WDR7: variants seen among roughly 807,000 people sequenced by gnomAD.
WDR7 encodes the protein WD repeat-containing protein 7.
WDR7 carries 46 observed loss-of-function variants against 169.4 expected under a neutral mutation model. The ratio of observed to expected loss-of-function variants is 0.27; its 90% CI spans 0.21 to 0.35. The LOEUF (loss-of-function observed/expected upper bound fraction) is 0.35, where lower values mean the gene tolerates loss of function less well. Ranked by LOEUF, WDR7 falls within the 10% of genes least tolerant of loss-of-function variation. The probability of loss-of-function intolerance (pLI) is 1.00; values close to 1 mark genes in which losing one functional copy is unlikely to be tolerated. For missense variants in WDR7, 1,534 were observed against 1,859.3 expected (o/e 0.83, Z 3.22); for synonymous variants, 612 against 666.8 (o/e 0.92, Z 1.27).
chr18:56,695,590 T>G (rs1265242144), intron 11 of WDR7, among the ~76,000 whole-genome samples: 3 of 150,836 alleles, frequency 2.0e-5, no homozygotes, highest in Non-Finnish European at 2.9e-5. Context: ...CAGACTAGAG[T>G]GCAGTGGCAT....
chr18:56,909,618 A>G (rs2046526331), intron 21 of WDR7, among the ~76,000 whole-genome samples: 1 of 152,142 alleles, frequency 6.6e-6, no homozygotes, highest in Non-Finnish European at 1.5e-5. Flanking sequence ...TATATAACAT[A>G]AGAAGTGAAT....
intron 16 of WDR7, among the ~76,000 whole-genome samples, chr18:56,768,563 CATAA>C (rs2044104169): frequency 6.6e-6 from 1 of 152,128 alleles, no homozygotes; most frequent in Non-Finnish European, 1.5e-5. Flanking sequence ...GTAACATGAA[CATAA>C]ATAACCAATT....
intron 20 of WDR7, among the ~76,000 whole-genome samples, chr18:56,821,802 C>T (rs2045102220): frequency 6.6e-6 from 1 of 151,516 alleles, no homozygotes; most frequent in African/African-American, 2.4e-5. Flanking sequence ...TGAGACTATC[C>T]TACACAACAG....
intron 18 of WDR7, among the ~76,000 whole-genome samples, chr18:56,780,056 C>T (rs899323568): frequency 1.7e-4 from 26 of 152,138 alleles, no homozygotes; most frequent in Admixed American, 1.7e-3. Flanking sequence ...CTATTTAAAG[C>T]TCATTTATAA....
intron 26 of WDR7, among the ~76,000 whole-genome samples, chr18:56,966,692 T>C (rs1459014956): frequency 1.3e-5 from 2 of 152,118 alleles, no homozygotes; most frequent in Non-Finnish European, 2.9e-5. Flanking sequence ...ACCCCTGCAT[T>C]CTTCAAGAGT....
chr18:56,817,748 ATT>A (rs200886693), intron 20 of WDR7, among the ~76,000 whole-genome samples: 100 of 144,076 alleles, frequency 6.9e-4, no homozygotes, highest in African/African-American at 2.0e-3. Flanking sequence ...TTCTTTGCAG[ATT>A]TTTTTTTTTT....
intron 26 of WDR7, chr18:57,009,891 T>A: frequency 1.0e-6 from 1 of 985,430 alleles, no homozygotes; most frequent in Non-Finnish European, 1.2e-6. Context: ...CATGTGAAGA[T>A]CCTGACCTAC....
At chr18:56,904,697 C>G (rs967106656) in intron 21 of WDR7, among the ~76,000 whole-genome samples, 7 of 152,216 alleles carry the variant, frequency 4.6e-5, no homozygotes, top group Middle Eastern at 3.4e-3. Context: ...GTCTTTTGCT[C>G]TTATTTAGGA....
chr18:56,683,193 C>T (rs185499749), intron 5 of WDR7, among the ~76,000 whole-genome samples: 95 of 152,098 alleles, frequency 6.2e-4, no homozygotes, highest in African/African-American at 2.1e-3. Context: ...ATTTCTGGGG[C>T]CTGGTTCTGT....
intron 26 of WDR7, among the ~76,000 whole-genome samples, chr18:57,007,811 A>T (rs901606839): frequency 6.6e-6 from 1 of 151,858 alleles, no homozygotes; most frequent in African/African-American, 2.4e-5. Flanking sequence ...CTGTCGTTTT[A>T]TCCTCATCCT....
At chr18:56,866,221 A>G (rs28478872) in intron 20 of WDR7, among the ~76,000 whole-genome samples, 8,631 of 152,184 alleles carry the variant, frequency 0.057, 867 homozygotes, top group African/African-American at 0.2. Context: ...GCAGCTCTGT[A>G]ATCTCCTTTT....
intron 24 of WDR7, among the ~76,000 whole-genome samples, chr18:56,939,023 T>C (rs190630578): frequency 6.6e-6 from 1 of 152,274 alleles, no homozygotes; most frequent in East Asian, 1.9e-4. Flanking sequence ...ATAAATAAAA[T>C]ATATAATGTG....
At chr18:56,677,877 A>C (rs1215559060) in intron 2 of WDR7, among the ~76,000 whole-genome samples, 1 of 151,942 alleles carries the variant, frequency 6.6e-6, no homozygotes, top group Admixed American at 6.6e-5. Flanking sequence ...CCTCCTCTTT[A>C]TGACCAGTAA....
intron 16 of WDR7, among the ~76,000 whole-genome samples, chr18:56,764,981 C>T (rs192931050): frequency 4.4e-4 from 67 of 152,198 alleles, no homozygotes; most frequent in Non-Finnish European, 7.9e-4. Flanking sequence ...ATTTGACCCT[C>T]GTCATTATGA....
chr18:56,757,345 C>A lies in WDR7; in HGVS notation c.2752C>A (p.Pro918Thr). 1 of 1,603,744 alleles carries A rather than the reference C, an allele frequency of 6.2e-7. No homozygotes were observed. Among genetic ancestry groups the A allele is most frequent in the South Asian group, 1.1e-5 (1 of 90,786 alleles). Residue 918 changes from proline (P) to threonine (T), a missense_variant, in exon 15 of 28, where the codon CCT (proline) becomes ACT (threonine). Transcript: ENST00000254442. ...TATTGGTGATCATATGAAGAAGGGT[C>A]CTACCAGGTGTGACCATGATAGTTT... ...TFIGDHMKKGPTRPPRPSTPD... is the reference protein window; with the variant it reads ...TFIGDHMKKGTTRPPRPSTPD...
At chr18:56,994,930 C>T (rs2047876627) in intron 26 of WDR7, among the ~76,000 whole-genome samples, 2 of 152,168 alleles carry the variant, frequency 1.3e-5, no homozygotes, top group Admixed American at 6.5e-5. Flanking sequence ...ACAAAAATTT[C>T]AGGAACCAGT....
intron 20 of WDR7, among the ~76,000 whole-genome samples, chr18:56,832,966 C>A (rs2045338960): frequency 6.6e-6 from 1 of 152,000 alleles, no homozygotes; most frequent in Non-Finnish European, 1.5e-5. Flanking sequence ...AGCAAGGGAA[C>A]AAAACCGGAC....
At chr18:56,974,898 A>T (rs2047543218) in intron 26 of WDR7, among the ~76,000 whole-genome samples, 1 of 152,214 alleles carries the variant, frequency 6.6e-6, no homozygotes, top group Non-Finnish European at 1.5e-5. Context: ...AGAGGAGGAC[A>T]GGCTGAATCC....
At chr18:56,866,308 T>C (rs28430788) in intron 20 of WDR7, among the ~76,000 whole-genome samples, 8,592 of 152,164 alleles carry the variant, frequency 0.056, 860 homozygotes, top group African/African-American at 0.2. Context: ...GCTTCCAATA[T>C]GTTTTTTGTT....
Sources: gnomAD v4.1 joint callset for allele counts (sites outside exome capture counted in the v4.1 genomes callset) on GRCh38, gnomAD v4.1.1 for gene constraint, MANE v1.5 for transcripts, NCBI Gene and HGNC (gene_info 2026-07-23, HGNC 2026-07-21) for gene names.